RNF11: variants seen among roughly 807,000 people sequenced by gnomAD.
RNF11 encodes ring finger protein 11.
RNF11 carries 4 observed loss-of-function variants against 15.8 expected under a neutral mutation model. The ratio of observed to expected loss-of-function variants is 0.25; its 90% CI spans 0.12 to 0.58. The LOEUF is 0.58. RNF11 is among the 20% of genes least tolerant of loss of function. The probability of loss-of-function intolerance (pLI) is 0.91; values close to 1 mark genes in which losing one functional copy is unlikely to be tolerated. For missense variants in RNF11, 139 were observed against 194.4 expected (o/e 0.71, Z 1.70); for synonymous variants, 68 against 72.3 (o/e 0.94, Z 0.30).
At chr1:51,257,529 A>G (rs927948637) in intron 1 of RNF11, among the ~76,000 whole-genome samples, 2 of 152,126 alleles carry the variant, frequency 1.3e-5, no homozygotes, top group African/African-American at 4.8e-5. Flanking sequence ...ATCTCAGCTC[A>G]CTGCAACCTC....
intron 1 of RNF11, among the ~76,000 whole-genome samples, chr1:51,268,272 CAGG>C: frequency 6.6e-6 from 1 of 152,248 alleles, no homozygotes; most frequent in East Asian, 1.9e-4. Flanking sequence ...TTTAAAATAT[CAGG>C]AGGTCTTAGT....
At chr1:51,244,562 A>G (rs1646843921) in intron 1 of RNF11, among the ~76,000 whole-genome samples, 1 of 151,716 alleles carries the variant, frequency 6.6e-6, no homozygotes, top group Admixed American at 6.6e-5. Context: ...AATTTTTTGT[A>G]TTTTTAGTAG....
At position 51,269,973 on chromosome 1, in the gene RNF11, A is replaced by C. The variant is rs773342612; in HGVS notation, c.141A>C (p.Pro47=). ...PPPYQEQVPV[P]VYHPTPSQTR... is the part of the protein sequence containing the mutation. The stretch of plus-strand genomic sequence containing the variant: ...TATTTTAGGAACAAGTTCCAGTTCC[A>C]GTCTACCACCCAACACCTAGCCAGA... The change falls in exon 2 of 3, where the codon CCA becomes CCC. Residue 47 remains proline, a synonymous_variant. Transcript: ENST00000242719. 2.5e-5 allele frequency: 41 copies of C among 1,612,108 alleles called. No homozygotes were observed. The highest frequency in any genetic ancestry group is 3.1e-5 in the Non-Finnish European group (37 of 1,179,498).
intron 1 of RNF11, chr1:51,250,659 A>G: frequency 1.3e-6 from 1 of 796,668 alleles, no homozygotes; most frequent in South Asian, 1.5e-5. Context: ...GTGGGCCTTG[A>G]TGAGGTGGTC....
chr1:51,236,814 C>G lies in RNF11; in HGVS notation c.58C>G (p.Gln20Glu). ...TGACATCTCCCTGCTTCACGAGTCT[C>G]AGTCCGACCGGGCTAGCTTTGGCGA... is the stretch of plus-strand genomic sequence containing the variant. ...SDDISLLHESQSDRASFGEGT... is the reference protein window; with the variant it reads ...SDDISLLHESESDRASFGEGT... The change falls in exon 1 of 3, where the codon CAG becomes GAG. Residue 20 changes from glutamine (Q) to glutamate (E), a missense_variant. Gln to Glu is a conservative substitution (Grantham distance 29). Coordinates refer to ENST00000242719, the MANE Select transcript of RNF11 (RefSeq NM_014372.5). The G allele has an allele frequency of 6.2e-7, 1 of 1,613,244 alleles. No homozygotes were observed. Among genetic ancestry groups the G allele is most frequent in the Non-Finnish European group, 8.5e-7 (1 of 1,179,622 alleles).
chr1:51,269,780 A>T, intron 1 of RNF11, 176 bp from the exon 2 acceptor site: 5 of 612,990 alleles, frequency 8.2e-6, no homozygotes, highest in Non-Finnish European at 1.5e-5. Flanking sequence ...TGGTGTGTGT[A>T]TGTTTTATTC....
chr1:51,263,608 T>C (rs560776703), intron 1 of RNF11, among the ~76,000 whole-genome samples: 23 of 152,332 alleles, frequency 1.5e-4, no homozygotes, highest in African/African-American at 5.5e-4. Flanking sequence ...TTTACAGTGA[T>C]CTGTGATCAG....
At chr1:51,247,821 T>C (rs1646859194) in intron 1 of RNF11, among the ~76,000 whole-genome samples, 1 of 152,200 alleles carries the variant, frequency 6.6e-6, no homozygotes, top group Admixed American at 6.5e-5. Flanking sequence ...GAAAGCATAC[T>C]GTAAGGTAAC....
chr1:51,252,805 T>TTGTGTGTGTGTGTG (rs145075866), intron 1 of RNF11, among the ~76,000 whole-genome samples: 3,706 of 143,936 alleles, frequency 0.026, 63 homozygotes, highest in Non-Finnish European at 0.034. Flanking sequence ...TTTGTCCAGT[T>TTGTGTGTGTGTGTG]TGTGTGTGTG....
chr1:51,252,929 C>T (rs1460908879), intron 1 of RNF11, among the ~76,000 whole-genome samples: 2 of 151,540 alleles, frequency 1.3e-5, no homozygotes, highest in Admixed American at 6.6e-5. Context: ...CAGGTTCAAG[C>T]GATTCTCCTG....
In RNF11 at chr1:51,236,740, C is replaced by T; in HGVS notation, c.-17C>T. Reference sequence around the variant, plus strand: ...CTGCTTTCTCCTCCCCCAGATCACGCACCCCAGCTCCGGAAGATGGGGAAC... The same window carrying T: ...CTGCTTTCTCCTCCCCCAGATCACGTACCCCAGCTCCGGAAGATGGGGAAC... On this transcript the variant is annotated 5_prime_UTR_variant, in exon 1 of 3. Coordinates refer to ENST00000242719, the MANE Select transcript of RNF11 (RefSeq NM_014372.5). The T allele has an allele frequency of 6.2e-7, 1 of 1,610,620 alleles. No individual in the cohort carries two copies. Among genetic ancestry groups the T allele is most frequent in the South Asian group, 1.1e-5 (1 of 90,724 alleles).
chr1:51,238,151 G>T (rs1164327325), intron 1 of RNF11, among the ~76,000 whole-genome samples: 1 of 152,076 alleles, frequency 6.6e-6, no homozygotes, highest in Non-Finnish European at 1.5e-5. Flanking sequence ...TCTCTGCTTG[G>T]AGCCCTTCGC....
In RNF11 at chr1:51,252,863, GT is replaced by G. The variant is rs1569666309; in HGVS notation, c.123+15986del. ...TGGGGGGGACAGAGAGTCTTGCTCTGTTGCCCAGGCTGGAGTGCAGTGGCGC... is the reference window on the plus strand; with the variant it reads ...TGGGGGGGACAGAGAGTCTTGCTCTGTGCCCAGGCTGGAGTGCAGTGGCGC... On this transcript the variant is annotated intron_variant, in intron 1 of 2. Coordinates refer to ENST00000242719, the MANE Select transcript of RNF11 (RefSeq NM_014372.5). Among the ~76,000 whole-genome samples, 3 of 151,200 alleles carry G rather than the reference GT, an allele frequency of 2.0e-5. No homozygotes were observed. In the East Asian group the frequency reaches 5.9e-4, roughly 30 times the overall value.
chr1:51,262,715 CTTTTTT>C (rs35542254), intron 1 of RNF11, among the ~76,000 whole-genome samples: 1 of 84,082 alleles, frequency 1.2e-5, no homozygotes, highest in Non-Finnish European at 2.2e-5. Context: ...GCCTGCTAAT[CTTTTTT>C]TTTTTTTTTT....
rs1646987718 is a variant in RNF11 at position 51,273,217 on chromosome 1, T to C, written c.*1895T>C. Reference sequence around the variant, plus strand: ...TTATAGTCAGACTTTTCTTTTTTTCTAGATTGTTAAAATTGGCAAATGAAC... The same window carrying C: ...TTATAGTCAGACTTTTCTTTTTTTCCAGATTGTTAAAATTGGCAAATGAAC... On this transcript the variant is annotated 3_prime_UTR_variant, in exon 3 of 3. Transcript: ENST00000242719. 1.3e-5 allele frequency: 2 copies of C among 152,204 alleles called. No individual in the cohort carries two copies. The highest frequency in any genetic ancestry group is 4.1e-4 in the South Asian group (2 of 4,836). The allele number at this position is 152,204 out of a possible 1,614,324, so 9.4% of individuals were successfully genotyped here. A position where few individuals can be genotyped will look rare whatever the true frequency, so the allele number is the denominator to read the frequency against.
At chr1:51,239,326 T>C (rs1282646364) in intron 1 of RNF11, among the ~76,000 whole-genome samples, 2 of 152,182 alleles carry the variant, frequency 1.3e-5, no homozygotes, top group East Asian at 3.9e-4. Context: ...ATGAAGGAAC[T>C]TTTTTTGGAA....
chr1:51,238,888 C>T (rs990603054), intron 1 of RNF11, among the ~76,000 whole-genome samples: 1 of 152,068 alleles, frequency 6.6e-6, no homozygotes, highest in African/African-American at 2.4e-5. Context: ...TGCCACCACA[C>T]CTAGCTAATT....
At chr1:51,254,906 G>A (rs1344365619) in intron 1 of RNF11, among the ~76,000 whole-genome samples, 1 of 152,124 alleles carries the variant, frequency 6.6e-6, no homozygotes, top group Non-Finnish European at 1.5e-5. Context: ...TAGCACATAA[G>A]TATATGCTGG....
chr1:51,248,745 A>G (rs1325119831), intron 1 of RNF11, among the ~76,000 whole-genome samples: 2 of 152,200 alleles, frequency 1.3e-5, no homozygotes, highest in East Asian at 3.9e-4. Context: ...TCCTTTGGAT[A>G]ATCTTACTTG....
Sources: allele counts gnomAD v4.1 joint callset (sites outside exome capture counted in the v4.1 genomes callset), GRCh38; gene constraint gnomAD v4.1.1; transcripts MANE v1.5; gene names NCBI Gene and HGNC (gene_info 2026-07-23, HGNC 2026-07-21).